Variants in PPARGC1B observed in about 807,000 individuals in gnomAD.
PPARGC1B encodes the protein PPARG coactivator 1 beta, also known as peroxisome proliferator-activated receptor gamma coactivator 1-beta.
PPARGC1B carries 34 observed loss-of-function variants against 101.6 expected under a neutral mutation model. That is an observed-to-expected ratio of 0.33 (90% CI 0.25 to 0.45). The LOEUF is 0.45. PPARGC1B is among the 20% of genes least tolerant of loss of function. PPARGC1B has a pLI of 1.00. For missense variants in PPARGC1B, 1,234 were observed against 1,317.6 expected, an observed-to-expected ratio of 0.94 and a Z score of 0.98; for synonymous variants, 548 against 539.3, an observed-to-expected ratio of 1.02 and a Z score of -0.22.
chr5:149,856,526 G>A (rs921276755), downstream of PPARGC1B, among the ~76,000 whole-genome samples: 3 of 152,170 alleles, frequency 2.0e-5, no homozygotes, highest in African/African-American at 4.8e-5. Context: ...GATGGCAGAT[G>A]CAGAGCCTCA....
At chr5:149,747,695 G>T (rs1212112898) in intron 1 of PPARGC1B, among the ~76,000 whole-genome samples, 3 of 152,220 alleles carry the variant, frequency 2.0e-5, no homozygotes, top group Non-Finnish European at 4.4e-5. Context: ...ACTGCTCTTT[G>T]TCCCAGTGGC....
In PPARGC1B at chr5:149,849,741, TATTCC is replaced by T. The variant is rs1759701877; in HGVS notation, c.*2186_*2190del. ...CCATGAGAGAAAACTCCCCTAATGCTATTCCATGGCGTAACACTCCCAATACTATT... is the reference window on the plus strand; with the variant it reads ...CCATGAGAGAAAACTCCCCTAATGCTATGGCGTAACACTCCCAATACTATT... On this transcript the variant is annotated 3_prime_UTR_variant, in exon 12 of 12. Transcript: ENST00000309241. 6.6e-6 allele frequency: 1 copy of T among 152,212 alleles called. No individual in the cohort carries two copies. The highest frequency in any genetic ancestry group is 1.5e-5 in the Non-Finnish European group (1 of 68,034). 9.4% of individuals were successfully genotyped at this position (152,212 alleles called of 1,614,324 possible). A position where few individuals can be genotyped will look rare whatever the true frequency, so the allele number is the denominator to read the frequency against.
At chr5:149,820,664 TCCCGGCTCTG>T (rs1758257101) in intron 2 of PPARGC1B, 58 bp downstream of exon 2, 2 of 1,532,472 alleles carry the variant, frequency 1.3e-6, no homozygotes, top group Non-Finnish European at 8.9e-7. Flanking sequence ...CTCCTCAAAA[TCCCGGCTCTG>T]CCCTGCTCTG....
chr5:149,731,639 G>A (rs980471703), intron 1 of PPARGC1B, among the ~76,000 whole-genome samples: 12 of 152,152 alleles, frequency 7.9e-5, no homozygotes, highest in African/African-American at 2.7e-4. Flanking sequence ...GGAGGTGGGA[G>A]GAGAGAGAGG....
chr5:149,734,623 T>G lies in PPARGC1B; in HGVS notation c.78+4203T>G, dbSNP rs115122415. On this transcript the variant is annotated intron_variant, in intron 1 of 11. Coordinates refer to ENST00000309241, the MANE Select transcript of PPARGC1B (RefSeq NM_133263.4). ...TCTTTTTATGTATGTCTTTGTTTCT[T>G]CCTTTAAGTTCCTAGAAGTGAAATT... Among the ~76,000 whole-genome samples the G allele has an allele frequency of 5.9e-3, 900 of 152,306 alleles. 7 individuals are homozygous for G. The highest frequency in any genetic ancestry group is 0.02 in the African/African-American group (817 of 41,570).
At chr5:149,734,877 G>A (rs1238072814) in intron 1 of PPARGC1B, among the ~76,000 whole-genome samples, 1 of 152,170 alleles carries the variant, frequency 6.6e-6, no homozygotes, top group African/African-American at 2.4e-5. Context: ...GATCATGGGT[G>A]ACTTGTGGTT....
intron 1 of PPARGC1B, among the ~76,000 whole-genome samples, chr5:149,774,985 A>C (rs1176054045): frequency 7.2e-5 from 11 of 152,126 alleles, no homozygotes; most frequent in Non-Finnish European, 7.4e-5. Context: ...GAGCCGGGCG[A>C]GCTGCAGCCA....
rs557650894 is a variant in PPARGC1B, at chr5:149,851,593, T to C, written c.*4035T>C. 1 of 152,330 alleles carries C rather than the reference T, an allele frequency of 6.6e-6. No individual in the cohort carries two copies. Among genetic ancestry groups the C allele is most frequent in the Non-Finnish European group, 1.5e-5 (1 of 68,030 alleles). 9.4% of individuals were successfully genotyped at this position (152,330 alleles called of 1,614,324 possible). Reference sequence around the variant, plus strand: ...ACAACAGCAAAGAAAGTGAATGTCATGGTTTCCCTGGCCAAAGAAGAGGGA... The same window carrying C: ...ACAACAGCAAAGAAAGTGAATGTCACGGTTTCCCTGGCCAAAGAAGAGGGA... On this transcript the variant is annotated 3_prime_UTR_variant, in exon 12 of 12. Transcript: ENST00000309241.
intron 3 of PPARGC1B, among the ~76,000 whole-genome samples, chr5:149,828,481 A>T (rs1201736444): frequency 6.6e-6 from 1 of 152,240 alleles, no homozygotes; most frequent in African/African-American, 2.4e-5. Context: ...TGGCACATAG[A>T]GTTGCTCAGT....
intron 2 of PPARGC1B, among the ~76,000 whole-genome samples, chr5:149,823,262 C>A (rs1167605117): frequency 6.6e-6 from 1 of 152,204 alleles, no homozygotes; most frequent in African/African-American, 2.4e-5. Flanking sequence ...GTGGACAAAT[C>A]AATCTGTTGA....
At chr5:149,796,641 G>A (rs1757226328) in intron 1 of PPARGC1B, among the ~76,000 whole-genome samples, 1 of 152,178 alleles carries the variant, frequency 6.6e-6, no homozygotes, top group African/African-American at 2.4e-5. Context: ...CACCAGTATG[G>A]TGGCAGCAGA....
chr5:149,754,310 C>T lies in PPARGC1B; in HGVS notation c.78+23890C>T, dbSNP rs188238114. Among the ~76,000 whole-genome samples, 40 of 152,136 alleles carry T rather than the reference C, an allele frequency of 2.6e-4. No individual in the cohort carries two copies. The East Asian group carries it at 7.4e-3, about 28-fold the overall frequency. On this transcript the variant is annotated intron_variant, in intron 1 of 11. Transcript: ENST00000309241. The stretch of plus-strand genomic sequence containing the variant: ...CTCACGTGGCCCCGGGTCCTTCTTG[C>T]GTGCCCCCCTCCCCTGGCAGCTCCG...
chr5:149,772,459 A>G (rs758229785), intron 1 of PPARGC1B, among the ~76,000 whole-genome samples: 35 of 152,194 alleles, frequency 2.3e-4, no homozygotes, highest in Non-Finnish European at 2.2e-4. Context: ...ATAAAGTACC[A>G]TAGACTGGGT....
At position 149,847,823 on chromosome 5, in the gene PPARGC1B, C is replaced by T. The variant is rs1759628368; in HGVS notation, c.*265C>T. 2.1e-6 allele frequency: 1 copy of T among 478,994 alleles called. No homozygotes were observed. The highest frequency in any genetic ancestry group is 1.9e-5 in the African/African-American group (1 of 52,024). 29.7% of individuals were successfully genotyped at this position (478,994 alleles called of 1,614,324 possible). ...CGCTTCCAACGGGTTGTCCCGGGTG[C>T]ACCTCGAAGTGCCGGGTCCGTCACC... On this transcript the variant is annotated 3_prime_UTR_variant, in exon 12 of 12. Transcript: ENST00000309241.
chr5:149,753,447 A>C (rs1218773386), intron 1 of PPARGC1B, among the ~76,000 whole-genome samples: 1 of 152,100 alleles, frequency 6.6e-6, no homozygotes, highest in African/African-American at 2.4e-5. Flanking sequence ...ACCTCAAGTG[A>C]TCCTCCCACC....
At chr5:149,732,865 G>A (rs1434878916) in intron 1 of PPARGC1B, 5 of 474,990 alleles carry the variant, frequency 1.1e-5, no homozygotes, top group South Asian at 4.6e-5. Context: ...CCTAGAAATA[G>A]CACTGGACTT....
chr5:149,784,560 C>CTTTTT (rs72364863), intron 1 of PPARGC1B, among the ~76,000 whole-genome samples: 10 of 75,702 alleles, frequency 1.3e-4, no homozygotes, highest in South Asian at 1.0e-3. Context: ...AACTGAGTTT[C>CTTTTT]TTTTTTTTTT....
chr5:149,790,266 G>A (rs1436958401), intron 1 of PPARGC1B, among the ~76,000 whole-genome samples: 1 of 152,182 alleles, frequency 6.6e-6, no homozygotes, highest in Non-Finnish European at 1.5e-5. Flanking sequence ...CCCAGGACCA[G>A]AATCTTTTGG....
At chr5:149,747,117 A>G (rs72830211) in intron 1 of PPARGC1B, among the ~76,000 whole-genome samples, 17,585 of 152,004 alleles carry the variant, frequency 0.12, 1,361 homozygotes, top group Admixed American at 0.24. Flanking sequence ...TAATTTGTCT[A>G]TTTTTTCTTT....
Sources: gnomAD v4.1 joint callset for allele counts (sites outside exome capture counted in the v4.1 genomes callset) on GRCh38, gnomAD v4.1.1 for gene constraint, MANE v1.5 for transcripts, NCBI Gene and HGNC (gene_info 2026-07-23, HGNC 2026-07-21) for gene names.